The following DPP10 variants were observed in gnomAD, a reference collection of about 807,000 sequenced individuals.
The protein encoded by DPP10 is dipeptidyl peptidase like 10, also known as inactive dipeptidyl peptidase 10.
DPP10 carries 33 observed loss-of-function variants against 120.9 expected under a neutral mutation model. The observed-to-expected ratio is 0.27, with a 90% CI of 0.21 to 0.37. DPP10 has a LOEUF of 0.37. Ranked by LOEUF, DPP10 falls within the 10% of genes least tolerant of loss-of-function variation. The pLI, the probability that DPP10 is intolerant of heterozygous loss-of-function variation, is 1.00. For synonymous variants in DPP10, 337 were observed against 326.1 expected (o/e 1.03, Z -0.36); for missense variants, 816 against 942.8 (o/e 0.87, Z 1.76).
intron 3 of DPP10, among the ~76,000 whole-genome samples, chr2:115,431,408 C>T (rs1402447): frequency 0.031 from 4,699 of 152,188 alleles, 242 homozygotes; most frequent in African/African-American, 0.11. Context: ...GGAATCCCAA[C>T]AGAAACTCTT....
intron 9 of DPP10, among the ~76,000 whole-genome samples, chr2:115,743,640 T>A (rs1465981154): frequency 7.1e-6 from 1 of 141,116 alleles, no homozygotes; most frequent in East Asian, 1.9e-4. Flanking sequence ...TTTACATAAA[T>A]CTTTTTATTA....
chr2:115,229,508 A>G (rs752724748), intron 1 of DPP10, among the ~76,000 whole-genome samples: 6 of 152,036 alleles, frequency 3.9e-5, no homozygotes, highest in African/African-American at 9.7e-5. Flanking sequence ...CAGTAGTTTC[A>G]TAGTTTGAGG....
At chr2:115,533,546 C>A (rs1465116974) in intron 5 of DPP10, among the ~76,000 whole-genome samples, 3 of 152,032 alleles carry the variant, frequency 2.0e-5, no homozygotes, top group Non-Finnish European at 4.4e-5. Flanking sequence ...AGAAGTAACT[C>A]TTCTCTAGTG....
intron 1 of DPP10, among the ~76,000 whole-genome samples, chr2:114,772,793 C>T (rs1244901308): frequency 6.6e-6 from 1 of 151,744 alleles, no homozygotes; most frequent in Non-Finnish European, 1.5e-5. Flanking sequence ...TTTTTAAGCA[C>T]ATGTTGAGTT....
At chr2:115,480,691 G>A (rs1298120193) in intron 3 of DPP10, among the ~76,000 whole-genome samples, 1 of 152,066 alleles carries the variant, frequency 6.6e-6, no homozygotes, top group Non-Finnish European at 1.5e-5. Flanking sequence ...TTAATGATGT[G>A]TACAGTAAGT....
Position 115,487,111 on chromosome 2 carries a change from G to C in DPP10, c.272-12399G>C, listed in dbSNP as rs933531744. Among the ~76,000 whole-genome samples, 4 of 151,878 alleles carry C rather than the reference G, an allele frequency of 2.6e-5. No homozygotes were observed. The South Asian group carries it at 8.3e-4, about 32-fold the overall frequency. On this transcript the variant is annotated intron_variant, in intron 3 of 25. Transcript: ENST00000410059. Reference sequence around the variant, plus strand: ...AGACAAACAGAGAGCCAAATCATGAGTGAACTCCCATTCACAATTGCTTCA... The same window carrying C: ...AGACAAACAGAGAGCCAAATCATGACTGAACTCCCATTCACAATTGCTTCA...
intron 11 of DPP10, 43 bp downstream of exon 11, chr2:115,753,340 C>T (rs1295510774): frequency 1.1e-5 from 17 of 1,531,910 alleles, no homozygotes; most frequent in Non-Finnish European, 1.5e-5. Context: ...AATGAAGTAG[C>T]TTATGCAGCT....
intron 1 of DPP10, among the ~76,000 whole-genome samples, chr2:115,247,470 G>A (rs867679066): frequency 1.3e-5 from 2 of 152,102 alleles, no homozygotes; most frequent in Non-Finnish European, 2.9e-5. Context: ...TTATCTCGGA[G>A]AATCAGGAGA....
chr2:115,304,071 C>T (rs1369125234), intron 1 of DPP10, among the ~76,000 whole-genome samples: 1 of 152,002 alleles, frequency 6.6e-6, no homozygotes, highest in Non-Finnish European at 1.5e-5. Flanking sequence ...TGAACTATTT[C>T]AAACCTTTCC....
chr2:115,048,310 T>A (rs1051885862), intron 1 of DPP10, among the ~76,000 whole-genome samples: 2 of 152,026 alleles, frequency 1.3e-5, no homozygotes, highest in African/African-American at 4.8e-5. Flanking sequence ...TCAGTAAGTC[T>A]TATCTAGTAT....
At chr2:115,071,974 T>C (rs1413027864) in intron 1 of DPP10, among the ~76,000 whole-genome samples, 1 of 152,114 alleles carries the variant, frequency 6.6e-6, no homozygotes, top group East Asian at 1.9e-4. Flanking sequence ...CAAAGAAGAA[T>C]TGTCCAGTTG....
At chr2:114,564,588 G>GT (rs1689058360) in intron 1 of DPP10, among the ~76,000 whole-genome samples, 1 of 152,090 alleles carries the variant, frequency 6.6e-6, no homozygotes, top group African/African-American at 2.4e-5. Context: ...GAGGGAAAAG[G>GT]TTTTTTCTCT....
chr2:114,701,090 A>G (rs111931709), intron 1 of DPP10, among the ~76,000 whole-genome samples: 180 of 152,240 alleles, frequency 1.2e-3, no homozygotes, highest in African/African-American at 3.9e-3. Context: ...ACAGGGCAAT[A>G]TGATAAAAAT....
At chr2:114,850,880 C>A (rs1308781444) in intron 1 of DPP10, among the ~76,000 whole-genome samples, 1 of 151,968 alleles carries the variant, frequency 6.6e-6, no homozygotes, top group Non-Finnish European at 1.5e-5. Context: ...CCAACAATGT[C>A]ATGTTAGTGT....
chr2:114,767,284 GATATATA>G, intron 1 of DPP10, among the ~76,000 whole-genome samples: 1 of 125,602 alleles, frequency 8.0e-6, no homozygotes, highest in Non-Finnish European at 1.6e-5. Context: ...CAAAAATAAA[GATATATA>G]ATATATATAT....
chr2:114,963,785 C>A (rs1698818419), intron 1 of DPP10, among the ~76,000 whole-genome samples: 2 of 152,048 alleles, frequency 1.3e-5, no homozygotes, highest in South Asian at 4.1e-4. Context: ...AAGGGATTTG[C>A]TAAAGATCAA....
intron 5 of DPP10, among the ~76,000 whole-genome samples, chr2:115,539,959 G>A (rs1047629393): frequency 2.6e-5 from 4 of 151,708 alleles, no homozygotes; most frequent in Non-Finnish European, 5.9e-5. Context: ...TTGTTTTCAC[G>A]CTGCCTATTT....
intron 17 of DPP10, among the ~76,000 whole-genome samples, chr2:115,786,141 A>G (rs1193619784): frequency 6.6e-6 from 1 of 152,184 alleles, no homozygotes; most frequent in African/African-American, 2.4e-5. Context: ...GAAACATAAA[A>G]TTACATGCTT....
chr2:114,631,213 G>A (rs1053803038), intron 1 of DPP10, among the ~76,000 whole-genome samples: 4 of 152,162 alleles, frequency 2.6e-5, no homozygotes, highest in African/African-American at 9.7e-5. Context: ...CGGCTGCTGA[G>A]CAGAGAGTGA....
Sources: allele counts gnomAD v4.1 joint callset (sites outside exome capture counted in the v4.1 genomes callset), GRCh38; gene constraint gnomAD v4.1.1; transcripts MANE v1.5; gene names NCBI Gene and HGNC (gene_info 2026-07-23, HGNC 2026-07-21).